The following TBC1D5 variants were observed in gnomAD, a reference collection of about 807,000 sequenced individuals.
TBC1D5 encodes the protein TBC1 domain family, member 5.
Under a neutral mutation model 100.3 loss-of-function variants are expected in TBC1D5, and 75 were observed. That is an observed-to-expected ratio of 0.75 (90% CI 0.62 to 0.91). The LOEUF is 0.91. Ranked by LOEUF, TBC1D5 falls within the 40% of genes least tolerant of loss-of-function variation. TBC1D5 has a pLI of 0.00. For missense variants in TBC1D5, 910 were observed against 942.4 expected (o/e 0.97, Z 0.45); for synonymous variants, 323 against 325.6 (o/e 0.99, Z 0.09).
At chr3:17,253,181 T>C (rs965496155) in intron 16 of TBC1D5, among the ~76,000 whole-genome samples, 1 of 152,260 alleles carries the variant, frequency 6.6e-6, no homozygotes, top group African/African-American at 2.4e-5. Context: ...CTGTATTTTT[T>C]TCAGATGTTT....
intron 1 of TBC1D5, among the ~76,000 whole-genome samples, chr3:17,707,645 A>G (rs2074307835): frequency 2.0e-5 from 3 of 152,308 alleles, no homozygotes; most frequent in African/African-American, 7.2e-5. Flanking sequence ...TGGATTTATC[A>G]TGGTTTTCTC....
chr3:17,568,719 G>T (rs2096608105), intron 2 of TBC1D5, among the ~76,000 whole-genome samples: 1 of 151,388 alleles, frequency 6.6e-6, no homozygotes, highest in Non-Finnish European at 1.5e-5. Context: ...TTTTGCTCAA[G>T]GATAACATAT....
chr3:17,458,153 C>T (rs2149854672), intron 3 of TBC1D5, among the ~76,000 whole-genome samples: 1 of 152,256 alleles, frequency 6.6e-6, no homozygotes, highest in African/African-American at 2.4e-5. Flanking sequence ...ACACTGTGAC[C>T]CTAAGTCTGA....
intron 3 of TBC1D5, among the ~76,000 whole-genome samples, chr3:17,502,981 T>C (rs1339149612): frequency 1.3e-5 from 2 of 149,624 alleles, no homozygotes; most frequent in Non-Finnish European, 2.9e-5. Context: ...ACCTAGAATA[T>C]TTCGATGGCT....
intron 3 of TBC1D5, among the ~76,000 whole-genome samples, chr3:17,443,092 A>G (rs2094703581): frequency 6.6e-6 from 1 of 152,142 alleles, no homozygotes; most frequent in African/African-American, 2.4e-5. Context: ...AATATGATCA[A>G]TTATCAAAAT....
chr3:17,513,415 AAGTT>A (rs1266970719), intron 2 of TBC1D5, among the ~76,000 whole-genome samples: 2 of 152,148 alleles, frequency 1.3e-5, no homozygotes, highest in Non-Finnish European at 2.9e-5. Flanking sequence ...ATAAAATAAT[AAGTT>A]AGTTTAATAA....
chr3:17,615,504 C>T (rs752699336), intron 2 of TBC1D5, among the ~76,000 whole-genome samples: 3 of 152,216 alleles, frequency 2.0e-5, no homozygotes, highest in South Asian at 4.1e-4. Context: ...GCTGTGAATC[C>T]GTCTGGTCCT....
intron 18 of TBC1D5, among the ~76,000 whole-genome samples, chr3:17,193,421 C>CA (rs1308250794): frequency 1.3e-5 from 2 of 152,166 alleles, no homozygotes; most frequent in African/African-American, 2.4e-5. Flanking sequence ...CGAAGAGTTT[C>CA]AAATCTCTTT....
chr3:17,537,257 G>C (rs1439617503), intron 2 of TBC1D5, among the ~76,000 whole-genome samples: 1 of 152,200 alleles, frequency 6.6e-6, no homozygotes, highest in Non-Finnish European at 1.5e-5. Context: ...CCTAATGAGA[G>C]ATGTTACTGT....
At chr3:17,220,514 G>T (rs116778180) in intron 17 of TBC1D5, among the ~76,000 whole-genome samples, 7 of 152,156 alleles carry the variant, frequency 4.6e-5, no homozygotes, top group African/African-American at 7.2e-5. Context: ...CTAAATTCTG[G>T]AAATTAATCC....
intron 3 of TBC1D5, among the ~76,000 whole-genome samples, chr3:17,487,961 G>A (rs190414439): frequency 1.3e-5 from 2 of 152,274 alleles, no homozygotes; most frequent in African/African-American, 4.8e-5. Flanking sequence ...TCTGTTACAT[G>A]AATGTGCCAA....
intron 15 of TBC1D5, among the ~76,000 whole-genome samples, chr3:17,265,802 C>T (rs970047759): frequency 1.3e-5 from 2 of 151,986 alleles, no homozygotes; most frequent in Admixed American, 1.3e-4. Context: ...AAAAACTCTC[C>T]CTAAAATAAT....
At chr3:17,183,671 T>A (rs2068699554) in intron 19 of TBC1D5, among the ~76,000 whole-genome samples, 1 of 152,212 alleles carries the variant, frequency 6.6e-6, no homozygotes, top group Non-Finnish European at 1.5e-5. Flanking sequence ...CCCAGCCAGC[T>A]GCTAATAAGA....
At chr3:17,262,223 A>G (rs1279934782) in intron 15 of TBC1D5, among the ~76,000 whole-genome samples, 2 of 152,158 alleles carry the variant, frequency 1.3e-5, no homozygotes, top group Non-Finnish European at 2.9e-5. Flanking sequence ...CAGCTCATTG[A>G]CCCCAGGCTA....
rs549367567 is a variant in TBC1D5, at chr3:17,693,640, C to T, written c.-101+45703G>A. Among the ~76,000 whole-genome samples, 3 of 152,372 alleles carry T rather than the reference C, an allele frequency of 2.0e-5. No individual in the cohort carries two copies. The South Asian group carries it at 6.2e-4, about 32-fold the overall frequency. On this transcript the variant is annotated intron_variant, in intron 1 of 21. Transcript: ENST00000253692. ...ACACCCTGCAGCCGCTAGACTCCAC[C>T]TCCGTACACAGGCCTTAGCTGGACA...
intron 1 of TBC1D5, among the ~76,000 whole-genome samples, chr3:17,668,100 T>C (rs1489429237): frequency 1.3e-5 from 2 of 149,384 alleles, no homozygotes; most frequent in Non-Finnish European, 3.0e-5. Context: ...CCACTAAATA[T>C]ATATATATTT....
chr3:17,271,830 C>T (rs1340234603), intron 15 of TBC1D5, among the ~76,000 whole-genome samples: 1 of 151,986 alleles, frequency 6.6e-6, no homozygotes, highest in African/African-American at 2.4e-5. Context: ...TTGGATTTTA[C>T]CAAAAGATTT....
At position 17,213,536 on chromosome 3, in the gene TBC1D5, C is replaced by T. The variant is rs541191913; in HGVS notation, c.1752+671G>A. 5.3e-5 allele frequency among the ~76,000 whole-genome samples: 8 copies of T among 152,066 alleles called. No homozygotes were observed. The South Asian group carries it at 1.2e-3, about 24-fold the overall frequency. ...ATCCCAGCATTTTGGAAGGCCAAGG[C>T]GGGCAGATCACTTGAGCCCAAGAGT... On this transcript the variant is annotated intron_variant, in intron 18 of 21. Transcript: ENST00000253692.
At position 17,294,533 on chromosome 3, in the gene TBC1D5, A is replaced by G. The variant is rs368211136; in HGVS notation, c.1139-2532T>C. 4.6e-5 allele frequency among the ~76,000 whole-genome samples: 7 copies of G among 152,242 alleles called. No individual in the cohort carries two copies. The East Asian group carries it at 1.3e-3, about 29-fold the overall frequency. On this transcript the variant is annotated intron_variant, in intron 14 of 21. Transcript: ENST00000253692. The stretch of plus-strand genomic sequence containing the variant: ...CCTGTTTTCATAACTTGTTAAAACT[A>G]TTGAAGCTATCAGAAGCTATAAAAT...
Sources: allele counts gnomAD v4.1 joint callset (sites outside exome capture counted in the v4.1 genomes callset), GRCh38; gene constraint gnomAD v4.1.1; transcripts MANE v1.5; gene names NCBI Gene and HGNC (gene_info 2026-07-23, HGNC 2026-07-21).